TIMP2: variants seen among roughly 807,000 people sequenced by gnomAD.
TIMP2 encodes the protein TIMP metallopeptidase inhibitor 2, also known as metalloproteinase inhibitor 2.
TIMP2 carries 5 observed loss-of-function variants against 24.3 expected under a neutral mutation model. That is an observed-to-expected ratio of 0.21 (90% CI 0.11 to 0.43). The LOEUF (loss-of-function observed/expected upper bound fraction) is 0.43, where lower values mean the gene tolerates loss of function less well. TIMP2 is among the 20% of genes least tolerant of loss of function. TIMP2 has a pLI of 1.00. For missense variants in TIMP2, 221 were observed against 297.5 expected, an observed-to-expected ratio of 0.74 and a Z score of 1.89; for synonymous variants, 130 against 123.2, an observed-to-expected ratio of 1.06 and a Z score of -0.37.
intron 1 of TIMP2, chr17:78,892,586 C>T (rs2069918619): frequency 7.1e-7 from 1 of 1,414,480 alleles, no homozygotes; most frequent in Admixed American, 2.8e-5. Flanking sequence ...TCCAAGCTCT[C>T]TTGACCCGTG....
chr17:78,874,499 C>A (rs2009196), intron 1 of TIMP2, among the ~76,000 whole-genome samples: 2 of 152,002 alleles, frequency 1.3e-5, no homozygotes, highest in Admixed American at 6.6e-5. Flanking sequence ...GCATATTTAG[C>A]TTTGGGGGTC....
At chr17:78,890,210 T>G (rs1599158651) in intron 1 of TIMP2, among the ~76,000 whole-genome samples, 1 of 151,112 alleles carries the variant, frequency 6.6e-6, no homozygotes, top group Non-Finnish European at 1.5e-5. Context: ...TTGCTTTTTT[T>G]TTTTTTTTTT....
At chr17:78,879,042 G>A (rs574535864) in intron 1 of TIMP2, among the ~76,000 whole-genome samples, 1 of 152,206 alleles carries the variant, frequency 6.6e-6, no homozygotes, top group Non-Finnish European at 1.5e-5. Context: ...TTGGCATAGC[G>A]GGATCTGCAC....
chr17:78,883,105 G>C (rs1051100185), intron 1 of TIMP2, among the ~76,000 whole-genome samples: 2 of 152,226 alleles, frequency 1.3e-5, no homozygotes, highest in Non-Finnish European at 2.9e-5. Flanking sequence ...TGCAGCTGCT[G>C]TGGAGGCCAG....
Position 78,896,873 on chromosome 17 carries a change from G to A in TIMP2, c.131-22954C>T, listed in dbSNP as rs1365140675. ...GCCAGCCCATGGCAGCTCCACCCCA[G>A]ACCGATCCGATCCCAGCACCTGGGC... is the stretch of plus-strand genomic sequence containing the variant. On this transcript the variant is annotated intron_variant, in intron 1 of 4. Coordinates refer to ENST00000262768, the MANE Select transcript of TIMP2 (RefSeq NM_003255.5). The surrounding 1 kb of genome is among the most constrained non-coding windows in gnomAD (Gnocchi z 4.4). The A allele has an allele frequency of 4.1e-6, 4 of 972,804 alleles. No individual in the cohort carries two copies. In the African/African-American group the frequency reaches 7.0e-5, roughly 17 times the overall value. The allele number at this position is 972,804 out of a possible 1,614,324, so 60.3% of individuals were successfully genotyped here. A position where few individuals can be genotyped will look rare whatever the true frequency, so the allele number is the denominator to read the frequency against.
intron 1 of TIMP2, among the ~76,000 whole-genome samples, chr17:78,908,941 G>A (rs2070184308): frequency 6.6e-6 from 1 of 152,120 alleles, no homozygotes. Context: ...TTGGCTTCTG[G>A]GGTCAGCTCA....
rs2070007194 is a variant in TIMP2 at position 78,896,750 on chromosome 17, TG to T, written c.131-22832del. ...GAAGGAAGGCGAGTGGACACCAATC[TG>T]GCCTCCGGACGGCACCAGGGCCTCC... On this transcript the variant is annotated intron_variant, in intron 1 of 4. Coordinates refer to ENST00000262768, the MANE Select transcript of TIMP2 (RefSeq NM_003255.5). This position sits in a 1 kb window ranked among gnomAD's most constrained non-coding sequence, Gnocchi z 4.4. Among the ~76,000 whole-genome samples, 1 of 152,130 alleles carries T rather than the reference TG, an allele frequency of 6.6e-6. No homozygotes were observed. The highest frequency in any genetic ancestry group is 2.4e-5 in the African/African-American group (1 of 41,422).
chr17:78,870,363 C>T (rs1011119318), intron 3 of TIMP2, among the ~76,000 whole-genome samples: 1 of 150,440 alleles, frequency 6.6e-6, no homozygotes, highest in Non-Finnish European at 1.5e-5. Flanking sequence ...TTGCAGTAAG[C>T]CAAGATCGCA....
rs767023133 is a variant in TIMP2 at position 78,857,582 on chromosome 17, G to C, written c.405C>G (p.Thr135=). The C allele has an allele frequency of 1.1e-5, 17 of 1,614,124 alleles. No homozygotes were observed. The South Asian group carries it at 1.6e-4, about 16-fold the overall frequency. ...TLCDFIVPWD[T]LSTTQKKSLN... Reference sequence around the variant, plus strand: ...GGCTCTTCTTCTGGGTGGTGCTCAGGGTGTCCCAGGGCACGATGAAGTCAC... The same window carrying C: ...GGCTCTTCTTCTGGGTGGTGCTCAGCGTGTCCCAGGGCACGATGAAGTCAC... Residue 135 remains threonine, a synonymous_variant, in exon 4 of 5, where the codon ACC becomes ACG. Coordinates refer to ENST00000262768, the MANE Select transcript of TIMP2 (RefSeq NM_003255.5).
At position 78,853,371 on chromosome 17, in the gene TIMP2, T is replaced by C. The variant is rs1252096217; in HGVS notation, c.*2296A>G. ...AAATGGAGAGCCTTCTTAAACTATA[T>C]ATATATTGCCACTATTTATTGTGAA... On this transcript the variant is annotated 3_prime_UTR_variant, in exon 5 of 5. Coordinates refer to ENST00000262768, the MANE Select transcript of TIMP2 (RefSeq NM_003255.5). 1 of 152,560 alleles carries C rather than the reference T, an allele frequency of 6.6e-6. No homozygotes were observed. The highest frequency in any genetic ancestry group is 2.4e-5 in the African/African-American group (1 of 41,456). The allele number at this position is 152,560 out of a possible 1,614,324, so 9.5% of individuals were successfully genotyped here. A position where few individuals can be genotyped will look rare whatever the true frequency, so the allele number is the denominator to read the frequency against.
intron 1 of TIMP2, chr17:78,904,109 T>TGTGTGTGTGTG: frequency 2.3e-5 from 1 of 42,584 alleles, no homozygotes; most frequent in African/African-American, 1.7e-4. Context: ...GTGTGTGTGT[T>TGTGTGTGTGTG]TTAGCAGAGA....
At chr17:78,921,746 G>T (rs1422762662) in intron 1 of TIMP2, among the ~76,000 whole-genome samples, 2 of 152,236 alleles carry the variant, frequency 1.3e-5, no homozygotes, top group Admixed American at 1.3e-4. Flanking sequence ...CTTCCAGGAA[G>T]AAATCAGGTC....
Position 78,924,373 on chromosome 17 carries a change from G to A in TIMP2, c.130+586C>T, listed in dbSNP as rs1333620396. ...GGGCAGGGCGCAAGCAAGGAGCCAC[G>A]CCAGGAGACGCCACCGGCTTTTTCA... On this transcript the variant is annotated intron_variant, in intron 1 of 4. Coordinates refer to ENST00000262768, the MANE Select transcript of TIMP2 (RefSeq NM_003255.5). The surrounding 1 kb of genome is among the most constrained non-coding windows in gnomAD (Gnocchi z 5.3). Among the ~76,000 whole-genome samples, 4 of 152,236 alleles carry A rather than the reference G, an allele frequency of 2.6e-5. No individual in the cohort carries two copies. In the South Asian group the frequency reaches 6.2e-4, roughly 24 times the overall value.
rs952772419 is a variant in TIMP2, at chr17:78,883,726, G to A, written c.131-9807C>T. Among the ~76,000 whole-genome samples, 7 of 152,226 alleles carry A rather than the reference G, an allele frequency of 4.6e-5. No individual in the cohort carries two copies. In the East Asian group the frequency reaches 9.7e-4, roughly 21 times the overall value. On this transcript the variant is annotated intron_variant, in intron 1 of 4. Transcript: ENST00000262768. ...CTCCCATCTCACTTCCTGCCCATTC[G>A]TTTTGGCTCCTCTTGGGAAACAGCA...
intron 1 of TIMP2, among the ~76,000 whole-genome samples, chr17:78,918,078 A>ACACACACACG (rs888107917): frequency 2.0e-5 from 3 of 149,144 alleles, no homozygotes; most frequent in African/African-American, 7.5e-5. Context: ...ACACACACAC[A>ACACACACACG]CACACACACA....
intron 3 of TIMP2, among the ~76,000 whole-genome samples, chr17:78,861,310 G>A (rs2145746573): frequency 6.6e-6 from 1 of 152,290 alleles, no homozygotes; most frequent in East Asian, 1.9e-4. Context: ...CACTTGACCA[G>A]CATTAACTCC....
chr17:78,913,151 C>A (rs1321119698), intron 1 of TIMP2, among the ~76,000 whole-genome samples: 1 of 152,158 alleles, frequency 6.6e-6, no homozygotes, highest in Admixed American at 6.6e-5. Context: ...TGGAAAAAGC[C>A]AACAACATTT....
In TIMP2 at chr17:78,891,600, C is replaced by A; in HGVS notation, c.131-17681G>T. On this transcript the variant is annotated intron_variant, in intron 1 of 4. Transcript: ENST00000262768. This position sits in a 1 kb window ranked among gnomAD's most constrained non-coding sequence, Gnocchi z 4.5. The stretch of plus-strand genomic sequence containing the variant: ...TGCCCGAGGTCTCTCAGCTTCCCCT[C>A]CAGACTCTGTCCCTGAGAGCGACTG... The A allele has an allele frequency of 6.4e-7, 1 of 1,550,886 alleles. No homozygotes were observed. Among genetic ancestry groups the A allele is most frequent in the South Asian group, 1.2e-5 (1 of 84,070 alleles).
intron 1 of TIMP2, among the ~76,000 whole-genome samples, chr17:78,895,123 A>C (rs1027597362): frequency 6.6e-6 from 1 of 152,218 alleles, no homozygotes; most frequent in East Asian, 1.9e-4. Flanking sequence ...TCTACTAAAA[A>C]TACAAAAATT....
Sources: gnomAD v4.1 joint callset for allele counts (sites outside exome capture counted in the v4.1 genomes callset) on GRCh38, gnomAD v4.1.1 for gene constraint, Gnocchi (gnomAD v3.1) non-coding constraint, MANE v1.5 for transcripts, NCBI Gene and HGNC (gene_info 2026-07-23, HGNC 2026-07-21) for gene names.